The following DRC11 variants were observed in gnomAD, a reference collection of about 807,000 sequenced individuals.
The protein encoded by DRC11 is IQ and AAA domain-containing protein 1.
chr2:236,497,086 A>ATC, the DRC11 span: 1 of 1,115,546 alleles, frequency 9.0e-7, no homozygotes, highest in Non-Finnish European at 1.3e-6. This position sits in a 1 kb window ranked among gnomAD's most constrained non-coding sequence, Gnocchi z 5.1. Flanking sequence ...TCTGTAGAGT[A>ATC]TCGTGTACAG....
chr2:236,485,976 G>A, the DRC11 span, among the ~76,000 whole-genome samples: 7 of 152,184 alleles, frequency 4.6e-5, no homozygotes, highest in African/African-American at 1.7e-4. Context: ...CCTTGAGTGT[G>A]GGTGGCCCCT....
At chr2:236,428,193 G>A in the DRC11 span, among the ~76,000 whole-genome samples, 190 of 152,194 alleles carry the variant, frequency 1.2e-3, 1 homozygote, top group Middle Eastern at 6.8e-3. Context: ...GCATTTGAAA[G>A]GAATGTATAT....
chr2:236,390,064 A>C, the DRC11 span, among the ~76,000 whole-genome samples: 1 of 152,172 alleles, frequency 6.6e-6, no homozygotes, highest in Non-Finnish European at 1.5e-5. The surrounding 1 kb of genome is among the most constrained non-coding windows in gnomAD (Gnocchi z 5.9). Context: ...TTCATTACTG[A>C]GAGTGGGATA....
chr2:236,349,984 T>C, the DRC11 span, among the ~76,000 whole-genome samples: 1 of 152,248 alleles, frequency 6.6e-6, no homozygotes, highest in Non-Finnish European at 1.5e-5. This position sits in a 1 kb window ranked among gnomAD's most constrained non-coding sequence, Gnocchi z 5.5. Flanking sequence ...CAATGGGTTT[T>C]CCATAGTGCC....
At chr2:236,359,442 G>A in the DRC11 span, among the ~76,000 whole-genome samples, 133 of 152,242 alleles carry the variant, frequency 8.7e-4, no homozygotes, top group East Asian at 0.019. The surrounding 1 kb of genome is among the most constrained non-coding windows in gnomAD (Gnocchi z 4.3). Flanking sequence ...TGAGTGAGGC[G>A]AATGCCACCT....
chr2:236,398,081 C>A, the DRC11 span, among the ~76,000 whole-genome samples: 1 of 152,212 alleles, frequency 6.6e-6, no homozygotes, highest in Non-Finnish European at 1.5e-5. The surrounding 1 kb of genome is among the most constrained non-coding windows in gnomAD (Gnocchi z 6.2). Flanking sequence ...AGGAGAGCAA[C>A]ATTTACCTCC....
the DRC11 span, among the ~76,000 whole-genome samples, chr2:236,402,939 G>A: frequency 6.6e-6 from 1 of 151,716 alleles, no homozygotes; most frequent in East Asian, 1.9e-4. This position sits in a 1 kb window ranked among gnomAD's most constrained non-coding sequence, Gnocchi z 6.0. Flanking sequence ...TTTATCATCT[G>A]TCTGTCTGTC....
chr2:236,308,929 G>A, the DRC11 span, among the ~76,000 whole-genome samples: 50 of 152,330 alleles, frequency 3.3e-4, no homozygotes, highest in African/African-American at 1.2e-3. The surrounding 1 kb of genome is among the most constrained non-coding windows in gnomAD (Gnocchi z 6.0). Flanking sequence ...AGGAACACGT[G>A]CTTCTGCTGC....
At chr2:236,320,547 C>T in the DRC11 span, among the ~76,000 whole-genome samples, 19 of 152,290 alleles carry the variant, frequency 1.2e-4, no homozygotes, top group South Asian at 4.1e-4. Context: ...GAAGCCCCGA[C>T]GGTCTCCGTC....
At chr2:236,357,878 T>A in the DRC11 span, among the ~76,000 whole-genome samples, 1 of 123,492 alleles carries the variant, frequency 8.1e-6, no homozygotes, top group East Asian at 2.4e-4. Context: ...AATATACATA[T>A]ACTATATAAA....
At chr2:236,310,728 T>C in the DRC11 span, among the ~76,000 whole-genome samples, 533 of 152,308 alleles carry the variant, frequency 3.5e-3, 5 homozygotes, top group African/African-American at 0.012. The surrounding 1 kb of genome is among the most constrained non-coding windows in gnomAD (Gnocchi z 5.5). Context: ...TTTCCAGTGA[T>C]GTGAAGAGAA....
chr2:236,451,010 A>T, the DRC11 span, among the ~76,000 whole-genome samples: 1 of 152,196 alleles, frequency 6.6e-6, no homozygotes, highest in African/African-American at 2.4e-5. Flanking sequence ...TTTAACCAGA[A>T]ACATAGTCCA....
At chr2:236,361,492 A>G in the DRC11 span, among the ~76,000 whole-genome samples, 3 of 152,216 alleles carry the variant, frequency 2.0e-5, no homozygotes, top group African/African-American at 7.2e-5. This position sits in a 1 kb window ranked among gnomAD's most constrained non-coding sequence, Gnocchi z 5.7. Context: ...TGTGGTATAT[A>G]TAACATTTAT....
the DRC11 span, among the ~76,000 whole-genome samples, chr2:236,478,239 T>C: frequency 6.6e-6 from 1 of 152,300 alleles, no homozygotes; most frequent in South Asian, 2.1e-4. The surrounding 1 kb of genome is among the most constrained non-coding windows in gnomAD (Gnocchi z 5.9). Context: ...TTTTCATATG[T>C]TGGTTTCAAT....
At chr2:236,363,927 G>A in the DRC11 span, 503 of 1,613,952 alleles carry the variant, frequency 3.1e-4, 1 homozygote, top group African/African-American at 5.7e-3. The surrounding 1 kb of genome is among the most constrained non-coding windows in gnomAD (Gnocchi z 5.6). Context: ...CAGACGGCCC[G>A]GCTAACAGTA....
chr2:236,434,408 A>G, the DRC11 span, among the ~76,000 whole-genome samples: 1 of 152,248 alleles, frequency 6.6e-6, no homozygotes, highest in African/African-American at 2.4e-5. The surrounding 1 kb of genome is among the most constrained non-coding windows in gnomAD (Gnocchi z 5.5). Context: ...CGTTAGTAAC[A>G]ACTGCTACGA....
the DRC11 span, among the ~76,000 whole-genome samples, chr2:236,488,391 T>C: frequency 6.6e-6 from 1 of 152,208 alleles, no homozygotes; most frequent in Non-Finnish European, 1.5e-5. Context: ...CATGCTGTGA[T>C]CCCAAATTTA....
At chr2:236,474,647 T>A in the DRC11 span, among the ~76,000 whole-genome samples, 26,306 of 152,132 alleles carry the variant, frequency 0.17, 2,521 homozygotes, top group Non-Finnish European at 0.22. Flanking sequence ...ACATAACAAT[T>A]GTTTTTATCA....
chr2:236,416,240 A>C, the DRC11 span, among the ~76,000 whole-genome samples: 1 of 152,242 alleles, frequency 6.6e-6, no homozygotes, highest in South Asian at 2.1e-4. Context: ...GAACCCTTGG[A>C]GTTGTCCAGG....
Sources: gnomAD v4.1 joint callset for allele counts (sites outside exome capture counted in the v4.1 genomes callset) on GRCh38, gnomAD v4.1.1 for gene constraint, Gnocchi (gnomAD v3.1) non-coding constraint, MANE v1.5 for transcripts, NCBI Gene and HGNC (gene_info 2026-07-23, HGNC 2026-07-21) for gene names.